The following PLBD2 variants were observed in gnomAD, a reference collection of about 807,000 sequenced individuals.
PLBD2 encodes the protein phospholipase B domain containing 2.
In PLBD2, 51 loss-of-function variants were observed where a neutral mutation model predicts 68.3. That is an observed-to-expected ratio of 0.75 (90% confidence interval 0.60 to 0.94). The LOEUF is 0.94. Among genes scored for constraint, PLBD2 ranks in the 40% least tolerant of loss-of-function variants. The pLI, the probability that PLBD2 is intolerant of heterozygous loss-of-function variation, is 0.00. For synonymous variants in PLBD2, 314 were observed against 339.3 expected, an observed-to-expected ratio of 0.93 and a Z score of 0.82; for missense variants, 729 against 792.2, an observed-to-expected ratio of 0.92 and a Z score of 0.96.
chr12:113,374,577 A>G lies in PLBD2; in HGVS notation c.644+3A>G, dbSNP rs1404087290. On this transcript the variant is annotated splice_donor_region_variant and intron_variant, in intron 4 of 11. Coordinates refer to ENST00000280800, the MANE Select transcript of PLBD2 (RefSeq NM_173542.4). ...ACCATCAAACCCTTGGGGTTCCTGT[A>G]AGTGCCACCCCCAGAGTGAACAGGG... 6.3e-7 allele frequency: 1 copy of G among 1,590,516 alleles called. No individual in the cohort carries two copies. Among genetic ancestry groups the G allele is most frequent in the Non-Finnish European group, 8.6e-7 (1 of 1,167,834 alleles).
chr12:113,377,876 A>G (rs1217308712), intron 5 of PLBD2, among the ~76,000 whole-genome samples: 2 of 152,258 alleles, frequency 1.3e-5, no homozygotes, highest in Non-Finnish European at 2.9e-5. Flanking sequence ...TATAAGTCAT[A>G]CAGGTATGTT....
intron 10 of PLBD2, 55 bp downstream of exon 10, chr12:113,387,144 C>T (rs1957560841): frequency 2.0e-6 from 3 of 1,505,996 alleles, no homozygotes; most frequent in Non-Finnish European, 2.7e-6. Flanking sequence ...GAACACAGAA[C>T]TTCCTGTGCG....
At chr12:113,360,927 C>T (rs1428912011) in intron 1 of PLBD2, among the ~76,000 whole-genome samples, 2 of 152,158 alleles carry the variant, frequency 1.3e-5, no homozygotes, top group African/African-American at 2.4e-5. Flanking sequence ...GGCTTGTTTT[C>T]GGCACCCTCT....
intron 1 of PLBD2, among the ~76,000 whole-genome samples, chr12:113,362,163 T>C (rs1957301758): frequency 6.6e-6 from 1 of 151,956 alleles, no homozygotes; most frequent in African/African-American, 2.4e-5. Context: ...TTGGGCAATG[T>C]GGTGAAACCC....
At chr12:113,361,640 C>G (rs931744596) in intron 1 of PLBD2, among the ~76,000 whole-genome samples, 1 of 152,096 alleles carries the variant, frequency 6.6e-6, no homozygotes, top group Non-Finnish European at 1.5e-5. Flanking sequence ...AGCCACTGTG[C>G]TCGGTACCTT....
intron 2 of PLBD2, among the ~76,000 whole-genome samples, chr12:113,371,637 C>T (rs1957389758): frequency 6.6e-6 from 1 of 152,216 alleles, no homozygotes; most frequent in South Asian, 2.1e-4. Flanking sequence ...ACAAGTGGCT[C>T]TTATGTCAGG....
At chr12:113,360,930 C>T (rs954609552) in intron 1 of PLBD2, among the ~76,000 whole-genome samples, 1 of 152,208 alleles carries the variant, frequency 6.6e-6, no homozygotes, top group Non-Finnish European at 1.5e-5. Flanking sequence ...TTGTTTTCGG[C>T]ACCCTCTCTC....
chr12:113,387,215 C>G, intron 10 of PLBD2, 126 bp downstream of exon 10: 3 of 1,242,188 alleles, frequency 2.4e-6, no homozygotes, highest in Non-Finnish European at 3.3e-6. Context: ...AGGGGGTGGT[C>G]AGATGTTGGA....
chr12:113,374,584 A>AC lies in PLBD2; in HGVS notation c.644+15dup, dbSNP rs1565860987. 2 of 1,582,684 alleles carry AC rather than the reference A, an allele frequency of 1.3e-6. No homozygotes were observed. The highest frequency in any genetic ancestry group is 4.5e-5 in the East Asian group (2 of 43,978). ...AACCCTTGGGGTTCCTGTAAGTGCCACCCCCAGAGTGAACAGGGTGGGAAG... is the reference window on the plus strand; with the variant it reads ...AACCCTTGGGGTTCCTGTAAGTGCCACCCCCCAGAGTGAACAGGGTGGGAAG... On this transcript the variant is annotated intron_variant, in intron 4 of 11. Coordinates refer to ENST00000280800, the MANE Select transcript of PLBD2 (RefSeq NM_173542.4).
At chr12:113,366,049 C>T (rs1330569777) in intron 1 of PLBD2, among the ~76,000 whole-genome samples, 1 of 152,200 alleles carries the variant, frequency 6.6e-6, no homozygotes, top group African/African-American at 2.4e-5. Context: ...TAGATACCCT[C>T]AATGTCTGGC....
At chr12:113,370,832 G>A (rs1343710954) in intron 2 of PLBD2, among the ~76,000 whole-genome samples, 1 of 152,206 alleles carries the variant, frequency 6.6e-6, no homozygotes, top group Non-Finnish European at 1.5e-5. Flanking sequence ...AGCTTGTCAT[G>A]TGTACTTCAC....
chr12:113,379,165 A>G (rs1292877773), intron 5 of PLBD2, among the ~76,000 whole-genome samples: 2 of 152,054 alleles, frequency 1.3e-5, no homozygotes, highest in African/African-American at 2.4e-5. Flanking sequence ...AAAATTAGCT[A>G]GACATGGTGG....
At chr12:113,358,958 T>A in intron 1 of PLBD2, 68 bp downstream of exon 1, 1 of 1,436,466 alleles carries the variant, frequency 7.0e-7, no homozygotes, top group South Asian at 1.4e-5. Context: ...GGACCTCGCC[T>A]GTTCCCGGGA....
intron 6 of PLBD2, among the ~76,000 whole-genome samples, chr12:113,382,835 T>TTTGTG (rs1335785271): frequency 3.2e-4 from 34 of 106,600 alleles, no homozygotes; most frequent in African/African-American, 1.3e-3. Context: ...TGGTGGTTTT[T>TTTGTG]TGTGTGTGTG....
At chr12:113,379,134 C>T in intron 5 of PLBD2, among the ~76,000 whole-genome samples, 1 of 151,880 alleles carries the variant, frequency 6.6e-6, no homozygotes, top group East Asian at 1.9e-4. Flanking sequence ...GTGGTAAAAC[C>T]ATGTCTCTAC....
intron 1 of PLBD2, among the ~76,000 whole-genome samples, chr12:113,364,863 A>G (rs1473847747): frequency 6.6e-6 from 1 of 152,090 alleles, no homozygotes; most frequent in Non-Finnish European, 1.5e-5. Context: ...CACTCTGCCC[A>G]TTTTACAGAT....
intron 1 of PLBD2, among the ~76,000 whole-genome samples, chr12:113,360,036 C>T (rs73430145): frequency 0.075 from 11,346 of 152,192 alleles, 571 homozygotes; most frequent in African/African-American, 0.13. Flanking sequence ...CACTTTAGCC[C>T]CTATCCATTT....
intron 6 of PLBD2, among the ~76,000 whole-genome samples, chr12:113,382,122 AAAT>A (rs1400821317): frequency 1.3e-5 from 2 of 152,114 alleles, no homozygotes; most frequent in Non-Finnish European, 2.9e-5. Flanking sequence ...TGTGCCTGGC[AAAT>A]TAGTGTTTTT....
chr12:113,379,002 G>C (rs1268871938), intron 5 of PLBD2, among the ~76,000 whole-genome samples: 1 of 152,092 alleles, frequency 6.6e-6, no homozygotes, highest in Non-Finnish European at 1.5e-5. Context: ...AAAGTGCAAA[G>C]ACTTAATGTG....
Sources: gnomAD v4.1 joint callset for allele counts (sites outside exome capture counted in the v4.1 genomes callset) on GRCh38, gnomAD v4.1.1 for gene constraint, MANE v1.5 for transcripts, NCBI Gene and HGNC (gene_info 2026-07-23, HGNC 2026-07-21) for gene names.